The following WDR72 variants were observed in gnomAD, a reference collection of about 807,000 sequenced individuals.
WDR72 encodes the protein WD repeat-containing protein 72.
Under a neutral mutation model 124.2 loss-of-function variants are expected in WDR72, and 120 were observed. The ratio of observed to expected loss-of-function variants is 0.97; its 90% CI spans 0.83 to 1.12. WDR72 has a LOEUF of 1.12. Ranked by LOEUF, WDR72 falls within the 50% of genes most tolerant of loss-of-function variation. The probability of loss-of-function intolerance (pLI) is 0.00; values close to 1 mark genes in which losing one functional copy is unlikely to be tolerated. For missense variants in WDR72, 1,387 were observed against 1,278.8 expected (o/e 1.08, Z -1.29); for synonymous variants, 452 against 441.7 (o/e 1.02, Z -0.29).
chr15:53,687,571 T>C (rs1439130342), intron 13 of WDR72, among the ~76,000 whole-genome samples: 4 of 149,804 alleles, frequency 2.7e-5, no homozygotes, highest in Non-Finnish European at 4.5e-5. Context: ...CAATAATCAA[T>C]AGCTTACCAA....
At chr15:53,547,302 T>C (rs1035784891) in intron 18 of WDR72, among the ~76,000 whole-genome samples, 2 of 152,316 alleles carry the variant, frequency 1.3e-5, no homozygotes, top group African/African-American at 4.8e-5. Flanking sequence ...CTGGCTAATT[T>C]TGTATTTTTG....
intron 13 of WDR72, 93 bp from the exon 14 acceptor site, chr15:53,665,861 T>A: frequency 7.8e-7 from 1 of 1,283,914 alleles, no homozygotes; most frequent in Non-Finnish European, 1.1e-6. Flanking sequence ...AGAATCACAA[T>A]CCTTTAAGTT....
chr15:53,554,414 A>G lies in WDR72; in HGVS notation c.3149-31092T>C, dbSNP rs370571588. 1.1e-4 allele frequency among the ~76,000 whole-genome samples: 16 copies of G among 152,284 alleles called. No individual in the cohort carries two copies. In the South Asian group the frequency reaches 3.3e-3, roughly 32 times the overall value. On this transcript the variant is annotated intron_variant, in intron 18 of 19. Transcript: ENST00000360509. ...TTTCCCATTATCTTCCCAAAATAGA[A>G]AGACAAAATGGCAGCCAAAGCTGGT...
At chr15:53,597,609 T>A (rs2012840373) in intron 17 of WDR72, among the ~76,000 whole-genome samples, 1 of 152,176 alleles carries the variant, frequency 6.6e-6, no homozygotes. Flanking sequence ...TAAAGAAAAT[T>A]CATTTGAATT....
chr15:53,615,338 G>T, intron 15 of WDR72, 88 bp downstream of exon 15: 1 of 1,062,414 alleles, frequency 9.4e-7, no homozygotes, highest in Non-Finnish European at 1.4e-6. Context: ...AAGAAGGAAG[G>T]AATGTTAAAG....
In WDR72 at chr15:53,699,742, C is replaced by A; in HGVS notation, c.1765+8G>T. 2 of 1,613,706 alleles carry A rather than the reference C, an allele frequency of 1.2e-6. No homozygotes were observed. The highest frequency in any genetic ancestry group is 1.7e-6 in the Non-Finnish European group (2 of 1,179,662). On this transcript the variant is annotated splice_region_variant and intron_variant, in intron 13 of 19. Transcript: ENST00000360509. ...ATAAAGAATGAAAGGGATAAAATTT[C>A]AACTTACCTGTTTCAATTTCCCAGA...
At chr15:53,740,307 ATTT>A (rs57166942) in intron 1 of WDR72, among the ~76,000 whole-genome samples, 32,963 of 132,754 alleles carry the variant, frequency 0.25, 3,753 homozygotes, top group South Asian at 0.36. Flanking sequence ...GATTCAACTA[ATTT>A]TTTTTTTTTT....
chr15:53,636,302 A>C (rs2014620961), intron 14 of WDR72, among the ~76,000 whole-genome samples: 1 of 152,182 alleles, frequency 6.6e-6, no homozygotes, highest in Non-Finnish European at 1.5e-5. Flanking sequence ...TTCCTTTGTC[A>C]ATCCTAACCT....
At chr15:53,707,473 G>A (rs1368207746) in intron 9 of WDR72, among the ~76,000 whole-genome samples, 1 of 150,804 alleles carries the variant, frequency 6.6e-6, no homozygotes, top group Non-Finnish European at 1.5e-5. Flanking sequence ...TTGAGACAGA[G>A]TCTCGCTCTG....
intron 13 of WDR72, among the ~76,000 whole-genome samples, chr15:53,697,853 G>C (rs1462214924): frequency 6.6e-6 from 1 of 152,058 alleles, no homozygotes; most frequent in Non-Finnish European, 1.5e-5. Flanking sequence ...CTGTCGCCCA[G>C]GCTGGAATGT....
At chr15:53,572,714 A>T (rs999969748) in intron 18 of WDR72, among the ~76,000 whole-genome samples, 1 of 152,188 alleles carries the variant, frequency 6.6e-6, no homozygotes, top group Admixed American at 6.5e-5. Context: ...ATGCCTGGGA[A>T]ATGGCGAGAA....
chr15:53,617,050 C>A (rs1425410711), intron 14 of WDR72, among the ~76,000 whole-genome samples: 4 of 151,832 alleles, frequency 2.6e-5, no homozygotes, highest in African/African-American at 9.7e-5. Flanking sequence ...TATCAAGAGA[C>A]TCAATTAATG....
At chr15:53,740,660 A>G (rs992989301) in intron 1 of WDR72, among the ~76,000 whole-genome samples, 1 of 152,218 alleles carries the variant, frequency 6.6e-6, no homozygotes, top group Non-Finnish European at 1.5e-5. Flanking sequence ...TCACTCATCT[A>G]TTCCCTACAA....
At chr15:53,550,568 C>T (rs963940217) in intron 18 of WDR72, among the ~76,000 whole-genome samples, 1 of 152,160 alleles carries the variant, frequency 6.6e-6, no homozygotes, top group African/African-American at 2.4e-5. Flanking sequence ...ACTTTCTCTG[C>T]CTACCCCTTT....
At chr15:53,744,260 C>T (rs911347985) in intron 1 of WDR72, among the ~76,000 whole-genome samples, 9 of 152,016 alleles carry the variant, frequency 5.9e-5, no homozygotes, top group African/African-American at 2.2e-4. Flanking sequence ...TAATTATTTT[C>T]TATGTTTATG....
chr15:53,693,879 G>A lies in WDR72; in HGVS notation c.1765+5871C>T, dbSNP rs141222377. On this transcript the variant is annotated intron_variant, in intron 13 of 19. Transcript: ENST00000360509. ...GAGTGTGTTTTCCTACAGAAACCACGTCATAATCAGAGGCTGGGTGCTCAT... is the reference window on the plus strand; with the variant it reads ...GAGTGTGTTTTCCTACAGAAACCACATCATAATCAGAGGCTGGGTGCTCAT... Among the ~76,000 whole-genome samples the A allele has an allele frequency of 5.2e-4, 79 of 152,284 alleles. No homozygotes were observed. In the East Asian group the frequency reaches 5.6e-3, roughly 11 times the overall value.
intron 15 of WDR72, among the ~76,000 whole-genome samples, 196 bp downstream of exon 15, chr15:53,615,230 T>A (rs185802423): frequency 4.6e-5 from 7 of 152,142 alleles, no homozygotes; most frequent in African/African-American, 1.4e-4. Flanking sequence ...TCATATAGAT[T>A]TATTGCCAAA....
intron 3 of WDR72, 27 bp downstream of exon 3, chr15:53,722,775 G>C (rs759208631): frequency 4.4e-6 from 7 of 1,593,166 alleles, no homozygotes; most frequent in Admixed American, 1.7e-5. Flanking sequence ...AATGGAGAAG[G>C]GGACAAAGTT....
At chr15:53,594,485 G>C (rs1049380125) in intron 18 of WDR72, among the ~76,000 whole-genome samples, 2 of 151,950 alleles carry the variant, frequency 1.3e-5, no homozygotes, top group Non-Finnish European at 2.9e-5. Context: ...TACACCCAGT[G>C]AATAGCACCT....
Sources: allele counts gnomAD v4.1 joint callset (sites outside exome capture counted in the v4.1 genomes callset), GRCh38; gene constraint gnomAD v4.1.1; transcripts MANE v1.5; gene names NCBI Gene and HGNC (gene_info 2026-07-23, HGNC 2026-07-21).